Variants in EBF1 observed in about 807,000 individuals in gnomAD.
The protein encoded by EBF1 is transcription factor COE1.
In EBF1, 10 loss-of-function variants were observed where a neutral mutation model predicts 68.4. That is an observed-to-expected ratio of 0.15 (90% CI 0.09 to 0.25). The LOEUF is 0.25. Among genes scored for constraint, EBF1 ranks in the 10% least tolerant of loss-of-function variants. EBF1 has a pLI of 1.00. For synonymous variants in EBF1, 298 were observed against 299.8 expected (o/e 0.99, Z 0.06); for missense variants, 509 against 794.4 (o/e 0.64, Z 4.32).
At chr5:158,724,660 C>T (rs1762624744) in intron 11 of EBF1, among the ~76,000 whole-genome samples, 1 of 152,182 alleles carries the variant, frequency 6.6e-6, no homozygotes, top group Non-Finnish European at 1.5e-5. Context: ...GGTCTCGTCT[C>T]TCCACTGAGC....
At chr5:159,090,930 G>A (rs1781515928) in intron 4 of EBF1, among the ~76,000 whole-genome samples, 1 of 152,110 alleles carries the variant, frequency 6.6e-6, no homozygotes, top group African/African-American at 2.4e-5. Flanking sequence ...GGAGCTTCAA[G>A]GTAGGTGCTA....
intron 10 of EBF1, among the ~76,000 whole-genome samples, chr5:158,740,847 C>T (rs772272129): frequency 6.6e-6 from 1 of 152,156 alleles, no homozygotes; most frequent in Non-Finnish European, 1.5e-5. Context: ...ACACATTTTG[C>T]TTATACATTT....
intron 6 of EBF1, among the ~76,000 whole-genome samples, chr5:158,955,557 C>T (rs757042372): frequency 1.3e-5 from 2 of 152,196 alleles, no homozygotes; most frequent in Non-Finnish European, 2.9e-5. Context: ...TAGACCAGAG[C>T]TGGACATCAA....
intron 4 of EBF1, among the ~76,000 whole-genome samples, chr5:159,087,445 T>C (rs1274606250): frequency 6.0e-5 from 9 of 149,610 alleles, no homozygotes; most frequent in Non-Finnish European, 1.2e-4. Flanking sequence ...TATATACATA[T>C]ATATATACAC....
chr5:158,728,713 A>G (rs1296551228), intron 11 of EBF1, among the ~76,000 whole-genome samples: 1 of 152,080 alleles, frequency 6.6e-6, no homozygotes, highest in Non-Finnish European at 1.5e-5. Flanking sequence ...ACGTGCACAC[A>G]CCACCATGCC....
chr5:159,062,362 G>A (rs1233481483), intron 6 of EBF1, among the ~76,000 whole-genome samples: 1 of 152,038 alleles, frequency 6.6e-6, no homozygotes. Context: ...GCAAGCTCCC[G>A]TCTGCCCAGG....
chr5:158,734,965 CAATGTTTATACCATGAGAATA>C (rs1345228034), intron 10 of EBF1, among the ~76,000 whole-genome samples: 2 of 152,048 alleles, frequency 1.3e-5, no homozygotes, highest in African/African-American at 4.8e-5. Context: ...AGAAAAGCCT[CAATGTTTATACCATGAGAATA>C]AAATGGGGCC....
intron 10 of EBF1, among the ~76,000 whole-genome samples, chr5:158,742,615 C>G (rs909322711): frequency 6.6e-6 from 1 of 152,302 alleles, no homozygotes. Context: ...AAGACACAAA[C>G]AGAATTCTAA....
At chr5:158,709,470 C>A (rs1046565326) in intron 14 of EBF1, among the ~76,000 whole-genome samples, 2 of 152,180 alleles carry the variant, frequency 1.3e-5, no homozygotes, top group African/African-American at 4.8e-5. Flanking sequence ...AGCTACCCTG[C>A]AAAGGAAACA....
chr5:158,841,456 A>T (rs1346130521), intron 6 of EBF1, among the ~76,000 whole-genome samples: 3 of 152,234 alleles, frequency 2.0e-5, no homozygotes, highest in African/African-American at 7.2e-5. Context: ...TTTCAGGCCG[A>T]AATGTTTCCT....
At chr5:158,835,850 G>C (rs1455782452) in intron 7 of EBF1, among the ~76,000 whole-genome samples, 1 of 151,900 alleles carries the variant, frequency 6.6e-6, no homozygotes, top group Admixed American at 6.6e-5. Flanking sequence ...TCTTAATAAG[G>C]GTATTTTGAA....
chr5:158,977,281 A>G (rs192434374), intron 6 of EBF1, among the ~76,000 whole-genome samples: 24 of 152,334 alleles, frequency 1.6e-4, no homozygotes, highest in South Asian at 6.2e-4. Flanking sequence ...AAATAATGTA[A>G]TCTAAAATAC....
In EBF1 at chr5:158,708,154, G is replaced by A. The variant is rs1758311742; in HGVS notation, c.1569C>T (p.Thr523=). The A allele has an allele frequency of 1.3e-6, 2 of 1,583,290 alleles. No homozygotes were observed. The highest frequency in any genetic ancestry group is 1.3e-5 in the African/African-American group (1 of 74,398). ...AGGGGAGGCTTGTGGAGGAGGCCAT[G>A]GTGGGGCTGGATGGCACTACTGAGA... ...SPYAIVPSSP[T]MASSTSLPSN... Residue 523 remains threonine (T), a synonymous_variant, in exon 15 of 16, where the codon ACC becomes ACT. Coordinates refer to ENST00000313708, the MANE Select transcript of EBF1 (RefSeq NM_024007.5).
At chr5:158,880,831 C>G (rs1258397564) in intron 6 of EBF1, among the ~76,000 whole-genome samples, 1 of 152,150 alleles carries the variant, frequency 6.6e-6, no homozygotes, top group African/African-American at 2.4e-5. Flanking sequence ...CTTCTTTGTT[C>G]CTGGAACCCG....
intron 8 of EBF1, among the ~76,000 whole-genome samples, chr5:158,816,999 C>T (rs1309875997): frequency 1.3e-5 from 2 of 152,104 alleles, no homozygotes; most frequent in Admixed American, 1.3e-4. Flanking sequence ...CTGAGGAGCC[C>T]ATGTAATTGA....
chr5:158,711,492 G>T (rs920197160), intron 14 of EBF1, among the ~76,000 whole-genome samples: 1 of 152,182 alleles, frequency 6.6e-6, no homozygotes, highest in Non-Finnish European at 1.5e-5. Flanking sequence ...ACTGGATGGG[G>T]TGGGTGCTAG....
chr5:158,855,760 A>T (rs1045849716), intron 6 of EBF1, among the ~76,000 whole-genome samples: 4 of 152,256 alleles, frequency 2.6e-5, no homozygotes, highest in African/African-American at 9.6e-5. Context: ...CTAACTCATA[A>T]CAGTGACTAT....
At chr5:159,045,437 G>GAA (rs70987947) in intron 6 of EBF1, among the ~76,000 whole-genome samples, 3 of 120,726 alleles carry the variant, frequency 2.5e-5, no homozygotes, top group African/African-American at 9.5e-5. Context: ...AAAAGAAGAA[G>GAA]AAAAAAAAAA....
At chr5:158,821,441 C>A (rs796694649) in intron 8 of EBF1, among the ~76,000 whole-genome samples, 10 of 152,206 alleles carry the variant, frequency 6.6e-5, no homozygotes, top group African/African-American at 2.4e-4. Context: ...CACTGGCTTC[C>A]CAAGAGCAGA....
Sources: allele counts gnomAD v4.1 joint callset (sites outside exome capture counted in the v4.1 genomes callset), GRCh38; gene constraint gnomAD v4.1.1; transcripts MANE v1.5; gene names NCBI Gene and HGNC (gene_info 2026-07-23, HGNC 2026-07-21).